The following TTN variants were observed in gnomAD, a reference collection of about 807,000 sequenced individuals.
TTN encodes titin, also known as connectin.
In TTN, 1,525 loss-of-function variants were observed where a neutral mutation model predicts 3,223.0. The observed-to-expected ratio is 0.47, with a 90% CI of 0.45 to 0.49. The LOEUF is 0.49. Among genes scored for constraint, TTN ranks in the 20% least tolerant of loss-of-function variants. The pLI, the probability that TTN is intolerant of heterozygous loss-of-function variation, is 0.00. For synonymous variants in TTN, 14,094 were observed against 15,161.0 expected (o/e 0.93, Z 5.17); for missense variants, 40,786 against 43,424.0 (o/e 0.94, Z 5.40).
chr2:178,617,276 A>G, intron 254 of TTN, 42 bp from the exon 255 acceptor site: 3 of 1,542,614 alleles, frequency 1.9e-6, no homozygotes, highest in Non-Finnish European at 1.7e-6. Context: ...ACATACAGTT[A>G]TGTCCATGAT....
intron 226 of TTN, 73 bp downstream of exon 226, chr2:178,635,890 G>A: frequency 6.5e-7 from 1 of 1,529,252 alleles, no homozygotes; most frequent in Non-Finnish European, 8.8e-7. Context: ...TGTAATACTG[G>A]GAAACGAGGT....
At position 178,572,457 on chromosome 2, in the gene TTN, G is replaced by A. The variant is rs367904757; in HGVS notation, c.73675C>T (p.Arg24559Trp). 6.2e-6 allele frequency: 10 copies of A among 1,612,054 alleles called. No individual in the cohort carries two copies. The highest frequency in any genetic ancestry group is 5.3e-5 in the African/African-American group (4 of 74,828). ...SKIKNYIVEK[R>W]ESTRKAYSTV... Reference sequence around the variant, plus strand: ...GAATATGCTTTTCTTGTTGATTCCCGCTTTTCAACAATATAGTTCTTGATT... The same window carrying A: ...GAATATGCTTTTCTTGTTGATTCCCACTTTTCAACAATATAGTTCTTGATT... Residue 24559 changes from arginine (R) to tryptophan (W), a missense_variant, in exon 326 of 363, where the codon CGG (arginine) becomes TGG (tryptophan). Physicochemically the swap from Arg to Trp is moderately radical, Grantham distance 101 (BLOSUM62 -3). Coordinates refer to ENST00000589042, the MANE Select transcript of TTN (RefSeq NM_001267550.2).
intron 8 of TTN, 28 bp downstream of exon 8, chr2:178,794,371 G>C: frequency 1.2e-6 from 2 of 1,613,580 alleles, no homozygotes; most frequent in Middle Eastern, 1.7e-4. Context: ...GTGGCTCTGC[G>C]GGTGCCCCAT....
Position 178,621,367 on chromosome 2 carries a change from T to C in TTN, c.45351A>G (p.Glu15117=), listed in dbSNP as rs2058236725. ...GCTTTGAGATAAATTCAGCAGCCAG[T>C]TCTGGGAAGAAAAAGTTACAAGATA... The part of the protein sequence containing the change: ...SRTDGKVKVH[E]LAAEFISKPQ... Residue 15117 remains glutamate, a splice_region_variant and synonymous_variant, in exon 246 of 363, where the codon GAA becomes GAG. Transcript: ENST00000589042. 1 of 1,608,498 alleles carries C rather than the reference T, an allele frequency of 6.2e-7. No individual in the cohort carries two copies. Among genetic ancestry groups the C allele is most frequent in the East Asian group, 2.2e-5 (1 of 44,532 alleles).
intron 288 of TTN, 24 bp from the exon 289 acceptor site, chr2:178,599,874 C>A: frequency 6.5e-7 from 1 of 1,527,162 alleles, no homozygotes; most frequent in Non-Finnish European, 8.8e-7. Context: ...AAAAAGTTGT[C>A]ATTAGGAGCA....
chr2:178,738,460 T>C (rs1162081173), intron 48 of TTN, 100 bp from the exon 49 acceptor site: 57 of 1,376,718 alleles, frequency 4.1e-5, no homozygotes, highest in Non-Finnish European at 5.5e-5. Context: ...AGTAAAACAG[T>C]TGAAATTGGT....
At chr2:178,598,147 A>G (rs1484490967) in intron 292 of TTN, 89 bp from the exon 293 acceptor site, 2 of 1,421,914 alleles carry the variant, frequency 1.4e-6, no homozygotes, top group Non-Finnish European at 1.9e-6. Flanking sequence ...CCAGCAGCCT[A>G]TTTAACTGTT....
chr2:178,774,588 C>T (rs2091979215), intron 29 of TTN, 115 bp from the exon 30 acceptor site: 1 of 960,172 alleles, frequency 1.0e-6, no homozygotes, highest in Admixed American at 2.5e-5. Context: ...CAGGTGTATT[C>T]TTAATATCTA....
Position 178,682,616 on chromosome 2 carries a change from CTTG to C in TTN, c.33094+78_33094+80del. 3.0e-6 allele frequency: 4 copies of C among 1,314,530 alleles called. No homozygotes were observed. In the African/African-American group the frequency reaches 4.6e-5, roughly 15 times the overall value. The allele number at this position is 1,314,530 out of a possible 1,614,324, so 81.4% of individuals were successfully genotyped here. A position where few individuals can be genotyped will look rare whatever the true frequency, so the allele number is the denominator to read the frequency against. On this transcript the variant is annotated intron_variant, in intron 135 of 362. Transcript: ENST00000589042. The stretch of plus-strand genomic sequence containing the variant: ...TTTCTTTGGGTATCCAAATTTTTAT[CTTG>C]TTATGATTTATCTTGTTTTATCTTG...
At chr2:178,763,203 G>A (rs2089648282) in intron 43 of TTN, among the ~76,000 whole-genome samples, 1 of 152,186 alleles carries the variant, frequency 6.6e-6, no homozygotes, top group Non-Finnish European at 1.5e-5. Flanking sequence ...ATGACTTGAA[G>A]TGGTTCCACA....
At chr2:178,678,698 CA>C in intron 143 of TTN, 48 bp downstream of exon 143, 1 of 1,536,036 alleles carries the variant, frequency 6.5e-7, no homozygotes, top group Non-Finnish European at 8.9e-7. Flanking sequence ...AATTTTTACC[CA>C]TATGCAAATG....
rs1349748368 is a variant in TTN, at chr2:178,592,280, A to AAAAAGTGTTAAATAAC, written c.59627-19_59627-4dup. On this transcript the variant is annotated splice_region_variant and splice_polypyrimidine_tract_variant and intron_variant, in intron 301 of 362. Transcript: ENST00000589042. Reference sequence around the variant, plus strand: ...ATCTCTAGGTGGCCCAGGTTTATCTAAAAAGTGTTAAATAACAGTTTGATA... The same window carrying AAAAAGTGTTAAATAAC: ...ATCTCTAGGTGGCCCAGGTTTATCTAAAAAGTGTTAAATAACAAAAGTGTTAAATAACAGTTTGATA... 1 of 1,607,424 alleles carries AAAAAGTGTTAAATAAC rather than the reference A, an allele frequency of 6.2e-7. No individual in the cohort carries two copies. Among genetic ancestry groups the AAAAAGTGTTAAATAAC allele is most frequent in the Non-Finnish European group, 8.5e-7 (1 of 1,178,296 alleles).
At position 178,692,096 on chromosome 2, in the gene TTN, G is replaced by T. The variant is rs780424989; in HGVS notation, c.31682C>A (p.Pro10561His). 1.2e-6 allele frequency: 2 copies of T among 1,611,700 alleles called. No homozygotes were observed. The highest frequency in any genetic ancestry group is 1.1e-5 in the South Asian group (1 of 90,868). ...TGGCACGGGTTTCTTGGGAACCTCA[G>T]GAACTTTAAAGATACAATTGTTGAA... ...KKVEPPAPKVPEVPKKPVPEE... is the reference protein window; with the variant it reads ...KKVEPPAPKVHEVPKKPVPEE... The change falls in exon 121 of 363, where the codon CCT becomes CAT. Residue 10561 changes from proline to histidine, a missense_variant. Coordinates refer to ENST00000589042, the MANE Select transcript of TTN (RefSeq NM_001267550.2).
chr2:178,531,114 T>C lies in TTN; in HGVS notation c.105501A>G (p.Gln35167=), dbSNP rs1241405234. 1.9e-6 allele frequency: 3 copies of C among 1,614,012 alleles called. No homozygotes were observed. Among genetic ancestry groups the C allele is most frequent in the Non-Finnish European group, 2.5e-6 (3 of 1,179,886 alleles). The change falls in exon 358 of 363, where the codon CAA becomes CAG. Residue 35167 remains glutamine, a synonymous_variant. Coordinates refer to ENST00000589042, the MANE Select transcript of TTN (RefSeq NM_001267550.2). ...GGTGGCGGGCAGAAGTACTTAGCAC[T>C]TGTCCTTTACGCAGCCAGGTCACAG... ...VPTVTWLRKG[Q]VLSTSARHQV...
Position 178,569,505 on chromosome 2 carries a change from T to C in TTN, c.76627A>G (p.Lys25543Glu), listed in dbSNP as rs372016541. Reference protein sequence around the residue: ...PIKGRPTPEVKWGKVDGEIRD... With the variant: ...PIKGRPTPEVEWGKVDGEIRD... The stretch of plus-strand genomic sequence containing the variant: ...ATTTCACCATCCACCTTTCCCCATT[T>C]AACTTCTGGTGTAGGACGACCTTTT... Residue 25543 changes from lysine (K) to glutamate (E), a missense_variant, in exon 326 of 363, where the codon AAA (lysine) becomes GAA (glutamate). By Grantham distance (56) the Lys-to-Glu change is moderately conservative. Coordinates refer to ENST00000589042, the MANE Select transcript of TTN (RefSeq NM_001267550.2). 4.3e-6 allele frequency: 7 copies of C among 1,612,540 alleles called. No homozygotes were observed. Among genetic ancestry groups the C allele is most frequent in the African/African-American group, 2.7e-5 (2 of 74,862 alleles).
chr2:178,595,046 G>A (rs746727470), intron 295 of TTN, among the ~76,000 whole-genome samples: 1 of 152,086 alleles, frequency 6.6e-6, no homozygotes, highest in Admixed American at 6.6e-5. Flanking sequence ...CGAGGCAGGT[G>A]GATCACTTGA....
Position 178,557,987 on chromosome 2 carries a change from T to C in TTN, c.87367A>G (p.Ser29123Gly), listed in dbSNP as rs375198596. ...GRYEITAANS[S>G]GTTKAFINIV... Reference sequence around the variant, plus strand: ...TTAATGAAAGCTTTGGTTGTACCACTGGAGTTGGCAGCAGTGATTTCATAT... The same window carrying C: ...TTAATGAAAGCTTTGGTTGTACCACCGGAGTTGGCAGCAGTGATTTCATAT... The change falls in exon 328 of 363, where the codon AGT becomes GGT. Residue 29123 changes from serine to glycine, a missense_variant. Physicochemically the swap from Ser to Gly is moderately conservative, Grantham distance 56 (BLOSUM62 0). Coordinates refer to ENST00000589042, the MANE Select transcript of TTN (RefSeq NM_001267550.2). 1 of 1,613,590 alleles carries C rather than the reference T, an allele frequency of 6.2e-7. No homozygotes were observed. Among genetic ancestry groups the C allele is most frequent in the African/African-American group, 1.3e-5 (1 of 74,934 alleles).
At position 178,710,795 on chromosome 2, in the gene TTN, G is replaced by A. The variant is rs898602147; in HGVS notation, c.28302C>T (p.Ser9434=). ...QPIKVSWAKD[S]REIRSGGKYQ... is the part of the protein sequence containing the mutation. ...ACTTTCCGCCACTTCGTATTTCTCTGCTGTCTTTGGCCCAGCTGACCTTTA... is the reference window on the plus strand; with the variant it reads ...ACTTTCCGCCACTTCGTATTTCTCTACTGTCTTTGGCCCAGCTGACCTTTA... Residue 9434 remains serine (S), a synonymous_variant, in exon 98 of 363, where the codon AGC becomes AGT. Transcript: ENST00000589042. The A allele has an allele frequency of 1.2e-6, 2 of 1,613,882 alleles. No homozygotes were observed. The highest frequency in any genetic ancestry group is 1.7e-6 in the Non-Finnish European group (2 of 1,179,828).
intron 100 of TTN, 60 bp downstream of exon 100, chr2:178,707,466 A>G: frequency 6.7e-7 from 1 of 1,493,462 alleles, no homozygotes; most frequent in Non-Finnish European, 9.0e-7. Flanking sequence ...AATCATAATA[A>G]GCAAATAAAC....
Sources: gnomAD v4.1 joint callset for allele counts (sites outside exome capture counted in the v4.1 genomes callset) on GRCh38, gnomAD v4.1.1 for gene constraint, MANE v1.5 for transcripts, NCBI Gene and HGNC (gene_info 2026-07-23, HGNC 2026-07-21) for gene names.